The following GABPB1 variants were observed in gnomAD, a reference collection of about 807,000 sequenced individuals.
The protein encoded by GABPB1 is GA-binding protein subunit beta-1.
A neutral mutation model predicts 45.9 loss-of-function variants in GABPB1; 15 were observed. That is an observed-to-expected ratio of 0.33 (90% CI 0.22 to 0.50). GABPB1 has a LOEUF of 0.50. Among genes scored for constraint, GABPB1 ranks in the 20% least tolerant of loss-of-function variants. The probability of loss-of-function intolerance (pLI) is 0.98; values close to 1 mark genes in which losing one functional copy is unlikely to be tolerated. For missense variants in GABPB1, 252 were observed against 457.5 expected (o/e 0.55, Z 4.10); for synonymous variants, 143 against 154.4 (o/e 0.93, Z 0.55).
intron 8 of GABPB1, 106 bp downstream of exon 8, chr15:50,285,962 C>T: frequency 6.7e-7 from 1 of 1,489,410 alleles, no homozygotes; most frequent in Non-Finnish European, 8.9e-7. Flanking sequence ...TACGCACTTT[C>T]ATTCTGTATC....
At chr15:50,310,058 G>A (rs952262684) in intron 1 of GABPB1, among the ~76,000 whole-genome samples, 2 of 152,150 alleles carry the variant, frequency 1.3e-5, no homozygotes, top group Non-Finnish European at 1.5e-5. Context: ...AGATAGAAGA[G>A]GTAAGTAGCA....
intron 1 of GABPB1, chr15:50,354,177 T>G (rs1233327605): frequency 3.0e-6 from 1 of 338,008 alleles, no homozygotes; most frequent in Non-Finnish European, 5.8e-6. Context: ...CACACAGTGA[T>G]GAACTGTGCC....
chr15:50,284,140 C>G (rs374133348), intron 8 of GABPB1, among the ~76,000 whole-genome samples: 2 of 152,124 alleles, frequency 1.3e-5, no homozygotes, highest in African/African-American at 4.8e-5. Context: ...AAGTCTCCCC[C>G]CAAGATAACC....
At chr15:50,302,612 C>T (rs1401332748) in intron 4 of GABPB1, among the ~76,000 whole-genome samples, 2 of 136,886 alleles carry the variant, frequency 1.5e-5, no homozygotes, top group Non-Finnish European at 3.1e-5. Context: ...CCACTACACT[C>T]CAGCCTGGGG....
intron 1 of GABPB1, among the ~76,000 whole-genome samples, chr15:50,322,406 C>T (rs916431637): frequency 6.6e-6 from 1 of 150,802 alleles, no homozygotes; most frequent in Non-Finnish European, 1.5e-5. Context: ...ATTAGCCGGG[C>T]ATGGTGGTGC....
intron 1 of GABPB1, among the ~76,000 whole-genome samples, chr15:50,331,309 AC>A (rs1477174828): frequency 6.6e-6 from 1 of 152,048 alleles, no homozygotes; most frequent in African/African-American, 2.4e-5. Context: ...AGTGTGTAGA[AC>A]CCTTAGTGGC....
intron 1 of GABPB1, among the ~76,000 whole-genome samples, chr15:50,333,421 C>T (rs1246404725): frequency 6.6e-6 from 1 of 152,134 alleles, no homozygotes; most frequent in Non-Finnish European, 1.5e-5. Flanking sequence ...ATTACTTCAT[C>T]CATAAATATA....
At chr15:50,343,424 G>A (rs933419337) in intron 1 of GABPB1, among the ~76,000 whole-genome samples, 1 of 152,188 alleles carries the variant, frequency 6.6e-6, no homozygotes, top group Non-Finnish European at 1.5e-5. Flanking sequence ...AGTTGGTTCT[G>A]CTGTCTAGAA....
chr15:50,341,333 G>A (rs182682857), intron 1 of GABPB1, among the ~76,000 whole-genome samples: 2 of 152,186 alleles, frequency 1.3e-5, no homozygotes, highest in Admixed American at 1.3e-4. Context: ...CGGAGTTCGA[G>A]ACGAGCCTGA....
intron 8 of GABPB1, among the ~76,000 whole-genome samples, chr15:50,284,950 A>T (rs1356948622): frequency 1.3e-5 from 2 of 152,190 alleles, no homozygotes; most frequent in Admixed American, 1.3e-4. Flanking sequence ...TAATTTTACC[A>T]AATATTCCGG....
chr15:50,320,462 A>C (rs1972701), intron 1 of GABPB1, among the ~76,000 whole-genome samples: 74,864 of 151,880 alleles, frequency 0.49, 19,502 homozygotes, highest in Middle Eastern at 0.65. Context: ...GCCACCACTC[A>C]AAGGCAATCC....
At chr15:50,322,348 G>GT (rs1327044151) in intron 1 of GABPB1, among the ~76,000 whole-genome samples, 1 of 150,970 alleles carries the variant, frequency 6.6e-6, no homozygotes, top group African/African-American at 2.4e-5. Flanking sequence ...GAGGTCAGGA[G>GT]TTTAAGACCA....
intron 7 of GABPB1, 97 bp from the exon 8 acceptor site, chr15:50,286,280 A>G (rs2046150248): frequency 1.3e-6 from 1 of 775,610 alleles, no homozygotes; most frequent in African/African-American, 1.8e-5. Flanking sequence ...CATCTAAAAT[A>G]ACTACATTCC....
intron 1 of GABPB1, among the ~76,000 whole-genome samples, chr15:50,319,956 T>C (rs1873801053): frequency 6.6e-6 from 1 of 152,228 alleles, no homozygotes; most frequent in Admixed American, 6.5e-5. Flanking sequence ...GTAACCACTA[T>C]CTAAATGTTT....
intron 2 of GABPB1, 40 bp from the exon 3 acceptor site, chr15:50,304,173 T>C (rs77189483): frequency 0.027 from 41,520 of 1,513,140 alleles, 1,449 homozygotes; most frequent in Admixed American, 0.18. Flanking sequence ...ATTTACATTA[T>C]TGTTACTACA....
At chr15:50,292,248 A>G (rs1391027727) in intron 6 of GABPB1, among the ~76,000 whole-genome samples, 1 of 137,584 alleles carries the variant, frequency 7.3e-6, no homozygotes, top group Non-Finnish European at 1.5e-5. Context: ...CGGGAGGCGG[A>G]GCTTGCAAGT....
At chr15:50,333,444 C>T (rs549185496) in intron 1 of GABPB1, among the ~76,000 whole-genome samples, 1 of 152,172 alleles carries the variant, frequency 6.6e-6, no homozygotes, top group African/African-American at 2.4e-5. Context: ...ATTTTTAGCT[C>T]AGTGAGCCAT....
chr15:50,278,802 G>GA lies in GABPB1; in HGVS notation c.1000-19_1000-18insT. The GA allele has an allele frequency of 7.3e-7, 1 of 1,364,834 alleles. No individual in the cohort carries two copies. Among genetic ancestry groups the GA allele is most frequent in the Non-Finnish European group, 9.9e-7 (1 of 1,011,960 alleles). The allele number at this position is 1,364,834 out of a possible 1,614,324, so 84.5% of individuals were successfully genotyped here. ...TCTCTCTCCTAATTAAAAGAAGAGG[G>GA]TTTTTTTTTTAATTTTTGCAAAAAT... On this transcript the variant is annotated intron_variant, in intron 8 of 8. Transcript: ENST00000380877.
intron 6 of GABPB1, among the ~76,000 whole-genome samples, chr15:50,295,252 C>T (rs919770386): frequency 5.9e-5 from 9 of 152,188 alleles, no homozygotes; most frequent in African/African-American, 2.2e-4. Context: ...AAGCATTCTT[C>T]TAAACCTGCC....
Sources: allele counts gnomAD v4.1 joint callset (sites outside exome capture counted in the v4.1 genomes callset), GRCh38; gene constraint gnomAD v4.1.1; transcripts MANE v1.5; gene names NCBI Gene and HGNC (gene_info 2026-07-23, HGNC 2026-07-21).